PDE4D: variants seen among roughly 807,000 people sequenced by gnomAD.
PDE4D encodes phosphodiesterase 4D.
A neutral mutation model predicts 87.4 loss-of-function variants in PDE4D; 24 were observed. The observed-to-expected ratio is 0.27, with a 90% CI of 0.20 to 0.39. The LOEUF (loss-of-function observed/expected upper bound fraction) is 0.39, where lower values mean the gene tolerates loss of function less well. Among genes scored for constraint, PDE4D ranks in the 10% least tolerant of loss-of-function variants. The pLI is 1.00. For synonymous variants in PDE4D, 384 were observed against 383.2 expected (o/e 1.00, Z -0.02); for missense variants, 714 against 1,041.0 (o/e 0.69, Z 4.32).
intron 5 of PDE4D, among the ~76,000 whole-genome samples, chr5:59,164,248 G>C (rs1243789056): frequency 2.6e-5 from 4 of 152,178 alleles, no homozygotes; most frequent in African/African-American, 9.7e-5. Context: ...GTCAGTAAAG[G>C]AAAATAATTT....
At chr5:59,770,044 T>C (rs1480564678) in intron 1 of PDE4D, among the ~76,000 whole-genome samples, 2 of 152,236 alleles carry the variant, frequency 1.3e-5, no homozygotes, top group Non-Finnish European at 2.9e-5. Context: ...CCATCTTTCC[T>C]GTTAGCATGC....
chr5:59,805,770 G>T (rs191786576), intron 1 of PDE4D, among the ~76,000 whole-genome samples: 1 of 152,212 alleles, frequency 6.6e-6, no homozygotes, highest in Non-Finnish European at 1.5e-5. Flanking sequence ...AGTTTCTGAC[G>T]ATGCAAGGCA....
At chr5:59,406,710 TTTTA>T (rs1265750862) in intron 1 of PDE4D, among the ~76,000 whole-genome samples, 4 of 152,130 alleles carry the variant, frequency 2.6e-5, no homozygotes, top group South Asian at 2.1e-4. Flanking sequence ...TCATCTCTGA[TTTTA>T]TTTATTAGCA....
At chr5:59,150,237 A>T (rs1779285923) in intron 5 of PDE4D, among the ~76,000 whole-genome samples, 1 of 152,176 alleles carries the variant, frequency 6.6e-6, no homozygotes, top group Non-Finnish European at 1.5e-5. Context: ...GCTCTGCAGT[A>T]GTATCACTGC....
At chr5:59,070,637 C>T (rs1306920823) in intron 5 of PDE4D, among the ~76,000 whole-genome samples, 1 of 152,174 alleles carries the variant, frequency 6.6e-6, no homozygotes, top group Non-Finnish European at 1.5e-5. Flanking sequence ...AAACTATAAG[C>T]AGCTAAACTA....
At chr5:59,120,117 G>T (rs541346066) in intron 5 of PDE4D, among the ~76,000 whole-genome samples, 1 of 152,142 alleles carries the variant, frequency 6.6e-6, no homozygotes, top group Non-Finnish European at 1.5e-5. Context: ...ACAGGTGTGA[G>T]CCACCAAGCT....
At chr5:59,283,955 C>T (rs1766360713) in intron 1 of PDE4D, among the ~76,000 whole-genome samples, 1 of 152,132 alleles carries the variant, frequency 6.6e-6, no homozygotes, top group Admixed American at 6.5e-5. Flanking sequence ...CTTTAAGATT[C>T]AGTACCTTCT....
chr5:59,305,893 CTGT>C (rs1297325577), intron 1 of PDE4D, among the ~76,000 whole-genome samples: 1 of 152,064 alleles, frequency 6.6e-6, no homozygotes, highest in Non-Finnish European at 1.5e-5. Flanking sequence ...CTGTATATAT[CTGT>C]TAAGTCCATT....
intron 1 of PDE4D, among the ~76,000 whole-genome samples, chr5:59,834,120 C>T (rs998702252): frequency 1.3e-5 from 2 of 152,024 alleles, no homozygotes; most frequent in Non-Finnish European, 2.9e-5. Flanking sequence ...AATGCAGTCT[C>T]CCTCTGCCAC....
intron 1 of PDE4D, among the ~76,000 whole-genome samples, chr5:59,348,244 G>T (rs1486011027): frequency 6.6e-6 from 1 of 152,090 alleles, no homozygotes; most frequent in East Asian, 1.9e-4. Flanking sequence ...ACTTCTGAAT[G>T]ATTTGGCTAC....
intron 1 of PDE4D, among the ~76,000 whole-genome samples, chr5:59,273,265 G>A (rs1764182016): frequency 6.6e-6 from 1 of 152,016 alleles, no homozygotes; most frequent in East Asian, 1.9e-4. Context: ...GAGGCCTGTG[G>A]CCTTTATGTG....
At chr5:59,749,663 T>C (rs1308409247) in intron 1 of PDE4D, among the ~76,000 whole-genome samples, 4 of 152,182 alleles carry the variant, frequency 2.6e-5, no homozygotes, top group Non-Finnish European at 4.4e-5. Context: ...GATTTCTAGA[T>C]TTTAAAGTGC....
intron 1 of PDE4D, among the ~76,000 whole-genome samples, chr5:59,407,006 G>C (rs1362154261): frequency 1.3e-5 from 2 of 152,130 alleles, no homozygotes; most frequent in Non-Finnish European, 2.9e-5. Context: ...CTAAAATACT[G>C]ACTGGGAGCC....
intron 1 of PDE4D, among the ~76,000 whole-genome samples, chr5:59,831,697 C>T (rs769376744): frequency 5.9e-5 from 9 of 152,008 alleles, no homozygotes; most frequent in Non-Finnish European, 1.3e-4. Flanking sequence ...AGTTACTGTT[C>T]CACATTCTCT....
intron 2 of PDE4D, chr5:60,032,757 C>CCTT (rs1767378863): frequency 1.3e-5 from 2 of 151,936 alleles, no homozygotes; most frequent in South Asian, 4.2e-4. Context: ...TATTTCTTTC[C>CCTT]CTTTGTTTGT....
chr5:59,379,061 C>A (rs944159651), intron 1 of PDE4D, among the ~76,000 whole-genome samples: 4 of 152,026 alleles, frequency 2.6e-5, no homozygotes, highest in Non-Finnish European at 4.4e-5. Flanking sequence ...TGTTCAATAT[C>A]AGCACTGCAG....
chr5:59,532,615 T>G (rs1814445516), intron 1 of PDE4D, among the ~76,000 whole-genome samples: 1 of 152,242 alleles, frequency 6.6e-6, no homozygotes, highest in South Asian at 2.1e-4. Flanking sequence ...TTATTGATAC[T>G]ATACTTTTTA....
intron 1 of PDE4D, among the ~76,000 whole-genome samples, chr5:60,259,959 GA>G (rs1330967244): frequency 3.4e-5 from 5 of 148,238 alleles, no homozygotes; most frequent in East Asian, 2.0e-4. Flanking sequence ...ATTAAAAAGA[GA>G]AAAAAAAAGG....
chr5:60,304,703 C>G (rs907705144), intron 1 of PDE4D, among the ~76,000 whole-genome samples: 2 of 147,338 alleles, frequency 1.4e-5, no homozygotes, highest in African/African-American at 5.1e-5. Context: ...GTGAACAGAG[C>G]ACAGAGGAGC....
Sources: gnomAD v4.1 joint callset for allele counts (sites outside exome capture counted in the v4.1 genomes callset) on GRCh38, gnomAD v4.1.1 for gene constraint, MANE v1.5 for transcripts, NCBI Gene and HGNC (gene_info 2026-07-23, HGNC 2026-07-21) for gene names.